Variants in JAK1 observed in about 807,000 individuals in gnomAD.
JAK1 encodes the protein tyrosine-protein kinase JAK1.
In JAK1, 16 loss-of-function variants were observed where a neutral mutation model predicts 136.6. The observed-to-expected ratio is 0.12, with a 90% CI of 0.08 to 0.18. The LOEUF (loss-of-function observed/expected upper bound fraction) is 0.18, where lower values mean the gene tolerates loss of function less well. JAK1 is among the 10% of genes least tolerant of loss of function. The pLI is 1.00. For missense variants in JAK1, 859 were observed against 1,450.1 expected (o/e 0.59, Z 6.62); for synonymous variants, 492 against 519.5 (o/e 0.95, Z 0.72).
chr1:65,065,250 C>T (rs1378956398), intron 1 of JAK1, among the ~76,000 whole-genome samples: 1 of 152,174 alleles, frequency 6.6e-6, no homozygotes, highest in African/African-American at 2.4e-5. Flanking sequence ...TCTGGGGATG[C>T]TCAAATGGGG....
chr1:64,976,994 A>G (rs767183984), intron 2 of JAK1, among the ~76,000 whole-genome samples: 3 of 152,190 alleles, frequency 2.0e-5, no homozygotes, highest in Non-Finnish European at 4.4e-5. Context: ...TATCACTTAC[A>G]TACCTGATTG....
At chr1:65,052,896 C>A (rs898339773) in intron 1 of JAK1, among the ~76,000 whole-genome samples, 6 of 142,130 alleles carry the variant, frequency 4.2e-5, no homozygotes, top group Non-Finnish European at 9.1e-5. Flanking sequence ...CCAAGCATGG[C>A]GGCGCATGCC....
Position 64,838,115 on chromosome 1 carries a change from G to C in JAK1, c.2968-11C>G. 2 of 1,608,328 alleles carry C rather than the reference G, an allele frequency of 1.2e-6. No individual in the cohort carries two copies. The highest frequency in any genetic ancestry group is 1.7e-6 in the Non-Finnish European group (2 of 1,176,178). ...CAAATAGTCCATCCCCTGAGAGAGA[G>C]AAGTAAAAGTCAAGCACATTGCTAA... On this transcript the variant is annotated splice_polypyrimidine_tract_variant and intron_variant, in intron 21 of 24. Transcript: ENST00000342505.
In JAK1 at chr1:64,836,367, C is replaced by T. The variant is rs540808955; in HGVS notation, c.3141-152G>A. The T allele has an allele frequency of 2.0e-5, 13 of 636,936 alleles. No individual in the cohort carries two copies. The East Asian group carries it at 3.0e-4, about 15-fold the overall frequency. The allele number at this position is 636,936 out of a possible 1,614,324, so 39.5% of individuals were successfully genotyped here. A position where few individuals can be genotyped will look rare whatever the true frequency, so the allele number is the denominator to read the frequency against. On this transcript the variant is annotated intron_variant, in intron 22 of 24. Coordinates refer to ENST00000342505, the MANE Select transcript of JAK1 (RefSeq NM_002227.4). The stretch of plus-strand genomic sequence containing the variant: ...ATATATTTTACACATACCATGTATA[C>T]GCTGCTATGGTGCACATCTGACCTA...
intron 2 of JAK1, among the ~76,000 whole-genome samples, chr1:65,007,607 C>T (rs1646814100): frequency 6.6e-6 from 1 of 152,092 alleles, no homozygotes; most frequent in Non-Finnish European, 1.5e-5. Flanking sequence ...ACTACAGGCG[C>T]ATGCCACCAC....
At chr1:65,005,996 T>G (rs1451744039) in intron 2 of JAK1, among the ~76,000 whole-genome samples, 1 of 152,256 alleles carries the variant, frequency 6.6e-6, no homozygotes, top group Non-Finnish European at 1.5e-5. Context: ...ACACCCATTT[T>G]AGGACATCTC....
Position 64,867,218 on chromosome 1 carries a change from A to G in JAK1, c.648-10T>C. On this transcript the variant is annotated splice_polypyrimidine_tract_variant and intron_variant, in intron 6 of 24. Coordinates refer to ENST00000342505, the MANE Select transcript of JAK1 (RefSeq NM_002227.4). ...AATATATCGCTTGTAGCTAAAAGAC[A>G]GTAGAAAAGTACATCTCCTTTTCAT... 6.4e-7 allele frequency: 1 copy of G among 1,561,186 alleles called. No homozygotes were observed. Among genetic ancestry groups the G allele is most frequent in the South Asian group, 1.1e-5 (1 of 87,160 alleles).
intron 2 of JAK1, among the ~76,000 whole-genome samples, chr1:65,012,641 A>G (rs983070688): frequency 6.6e-6 from 1 of 151,922 alleles, no homozygotes; most frequent in African/African-American, 2.4e-5. Context: ...AAATTCACCA[A>G]ATTAGCTAGG....
At chr1:64,936,087 C>T (rs1645784654) in intron 1 of JAK1, among the ~76,000 whole-genome samples, 1 of 152,158 alleles carries the variant, frequency 6.6e-6, no homozygotes, top group Non-Finnish European at 1.5e-5. Context: ...CAGGAAGAGG[C>T]CAATGTGCAA....
At chr1:64,849,700 G>C (rs946816488) in intron 12 of JAK1, among the ~76,000 whole-genome samples, 5 of 152,396 alleles carry the variant, frequency 3.3e-5, no homozygotes, top group African/African-American at 9.6e-5. Flanking sequence ...TGTTGGCTAA[G>C]TGGATGTGGA....
In JAK1 at chr1:64,985,330, T is replaced by G. The variant is rs61734448; in HGVS notation, c.-78+59150A>C. The G allele has an allele frequency of 1.4e-4, 223 of 1,611,108 alleles. 2 individuals carry two copies. The Admixed American group carries it at 1.6e-3, about 12-fold the overall frequency. On this transcript the variant is annotated intron_variant, in intron 2 of 25. Coordinates refer to the JAK1 transcript ENST00000671954. ...GATACTCTAAAGAGCTCCAGCACAG[T>G]GACTTGCTTTTCTTGTGCCATCCTT...
chr1:65,037,594 G>C (rs747846346), intron 2 of JAK1, among the ~76,000 whole-genome samples: 9 of 152,134 alleles, frequency 5.9e-5, no homozygotes, highest in Non-Finnish European at 1.2e-4. Flanking sequence ...TAGTGATAAT[G>C]AGCTCTCTGC....
intron 12 of JAK1, among the ~76,000 whole-genome samples, chr1:64,850,277 C>A (rs940515881): frequency 4.6e-5 from 7 of 152,222 alleles, no homozygotes; most frequent in Admixed American, 3.9e-4. Flanking sequence ...CCCCGCTCAG[C>A]CTGTAGATTC....
chr1:64,936,178 A>C (rs1298280691), intron 1 of JAK1, among the ~76,000 whole-genome samples: 3 of 152,152 alleles, frequency 2.0e-5, no homozygotes, highest in African/African-American at 7.2e-5. Flanking sequence ...AACAGAGGAG[A>C]GGTGGAAGTT....
chr1:65,032,561 A>G (rs1033207998), intron 2 of JAK1, among the ~76,000 whole-genome samples: 1 of 152,224 alleles, frequency 6.6e-6, no homozygotes, highest in Non-Finnish European at 1.5e-5. Context: ...GAATCCACTC[A>G]AAATAATTTC....
chr1:64,872,142 G>A (rs1387511365), intron 5 of JAK1, among the ~76,000 whole-genome samples: 1 of 152,194 alleles, frequency 6.6e-6, no homozygotes, highest in Non-Finnish European at 1.5e-5. Context: ...GCTGAGAGGA[G>A]AGTCGGCAAT....
intron 5 of JAK1, among the ~76,000 whole-genome samples, chr1:64,872,193 C>T (rs182566031): frequency 6.6e-6 from 1 of 152,322 alleles, no homozygotes; most frequent in East Asian, 1.9e-4. Context: ...GGAGAGAGTG[C>T]TACTGGCATC....
intron 2 of JAK1, chr1:64,974,860 T>C (rs1646483917): frequency 6.6e-6 from 1 of 152,172 alleles, no homozygotes; most frequent in African/African-American, 2.4e-5. Context: ...AGCATTCTCT[T>C]TTCTTTTTTT....
chr1:64,997,794 A>G (rs780675691), intron 2 of JAK1, among the ~76,000 whole-genome samples: 1 of 152,146 alleles, frequency 6.6e-6, no homozygotes, highest in Non-Finnish European at 1.5e-5. Flanking sequence ...CATTCTTGAC[A>G]ATGCTTATGT....
Sources: allele counts gnomAD v4.1 joint callset (sites outside exome capture counted in the v4.1 genomes callset), GRCh38; gene constraint gnomAD v4.1.1; transcripts MANE v1.5; gene names NCBI Gene and HGNC (gene_info 2026-07-23, HGNC 2026-07-21).